The following CSF2RA variants were observed in gnomAD, a reference collection of about 807,000 sequenced individuals.
CSF2RA encodes colony stimulating factor 2 receptor subunit alpha.
A neutral mutation model predicts 51.6 loss-of-function variants in CSF2RA; 42 were observed. That is an observed-to-expected ratio of 0.81 (90% CI 0.64 to 1.05). The LOEUF (loss-of-function observed/expected upper bound fraction) is 1.05, where lower values mean the gene tolerates loss of function less well. Ranked by LOEUF, CSF2RA falls within the 50% of genes least tolerant of loss-of-function variation. The pLI is 0.00. For missense variants in CSF2RA, 530 were observed against 501.1 expected, an observed-to-expected ratio of 1.06 and a Z score of -0.55; for synonymous variants, 222 against 193.0, an observed-to-expected ratio of 1.15 and a Z score of -1.24.
At chrX:1,281,978 G>A (rs747226742) in intron 2 of CSF2RA, 4 of 142,712 alleles carry the variant, frequency 2.8e-5, no homozygotes, top group East Asian at 2.1e-4. Flanking sequence ...GGTGGATCAC[G>A]AGGTCAGGAG....
At chrX:1,313,962 G>A (rs1359168965), downstream of CSF2RA, among the ~76,000 whole-genome samples, 1 of 152,140 alleles carries the variant, frequency 6.6e-6, no homozygotes, top group East Asian at 1.9e-4. Flanking sequence ...TTGCACTCCG[G>A]CCTGGGTGAC....
chrX:1,320,600 C>T, the CSF2RA span, among the ~76,000 whole-genome samples: 4 of 149,524 alleles, frequency 2.7e-5, no homozygotes, highest in Admixed American at 1.3e-4. Flanking sequence ...AGGGTTCAAG[C>T]GATTCCCCTG....
At chrX:1,280,868 CCTCCTTCTCCTG>C (rs2089844430) in intron 2 of CSF2RA, among the ~76,000 whole-genome samples, 2 of 135,388 alleles carry the variant, frequency 1.5e-5, no homozygotes, top group African/African-American at 5.9e-5. Flanking sequence ...TCCTCCTCCT[CCTCCTTCTCCTG>C]CTCCTTCTCC....
chrX:1,313,095 C>T (rs1323955844), downstream of CSF2RA, among the ~76,000 whole-genome samples: 13 of 152,006 alleles, frequency 8.6e-5, no homozygotes, highest in Non-Finnish European at 1.8e-4. Context: ...GACCTCAGGC[C>T]CTATTTACCT....
chrX:1,279,918 T>C (rs1199222127), intron 2 of CSF2RA, among the ~76,000 whole-genome samples: 7 of 151,544 alleles, frequency 4.6e-5, no homozygotes, highest in African/African-American at 1.7e-4. Flanking sequence ...ACCTCCCGAG[T>C]AGCTGGGATT....
At chrX:1,285,544 A>T (rs113668070) in intron 3 of CSF2RA, 19 of 578,076 alleles carry the variant, frequency 3.3e-5, no homozygotes, top group Non-Finnish European at 5.8e-5. Flanking sequence ...AAAATACAAA[A>T]ATTAGCTGGG....
At chrX:1,308,180 C>T (rs1402594536) in intron 12 of CSF2RA, among the ~76,000 whole-genome samples, 11 of 152,118 alleles carry the variant, frequency 7.2e-5, no homozygotes, top group East Asian at 1.9e-4. Flanking sequence ...AAAGCCCCTT[C>T]GTAGCAGCCG....
intron 12 of CSF2RA, among the ~76,000 whole-genome samples, chrX:1,308,697 C>A (rs1247352437): frequency 6.6e-6 from 1 of 152,108 alleles, no homozygotes; most frequent in African/African-American, 2.4e-5. Context: ...TCCACCCCCA[C>A]GCCAGCCTCC....
At chrX:1,315,428 G>C in the CSF2RA span, among the ~76,000 whole-genome samples, 3 of 152,082 alleles carry the variant, frequency 2.0e-5, no homozygotes, top group African/African-American at 7.2e-5. Context: ...TTAAGAGACA[G>C]AGTCTCATTC....
At chrX:1,325,132 G>A in the CSF2RA span, among the ~76,000 whole-genome samples, 5 of 151,216 alleles carry the variant, frequency 3.3e-5, 1 homozygote, top group South Asian at 4.2e-4. Context: ...AGGCCGAGAC[G>A]GGCGGATCAA....
downstream of CSF2RA, among the ~76,000 whole-genome samples, chrX:1,314,876 C>T (rs867760938): frequency 8.9e-3 from 619 of 69,292 alleles, 112 homozygotes; most frequent in Middle Eastern, 0.022. Context: ...AACCGCACTG[C>T]ACCTGCCCAA....
At chrX:1,323,944 G>T in the CSF2RA span, among the ~76,000 whole-genome samples, 1 of 152,010 alleles carries the variant, frequency 6.6e-6, no homozygotes, top group African/African-American at 2.4e-5. Context: ...AACCCGGGAG[G>T]CCGAGGTTGT....
At chrX:1,305,570 G>T (rs1476372300) in intron 12 of CSF2RA, 43 bp downstream of exon 12, 1 of 1,613,996 alleles carries the variant, frequency 6.2e-7, no homozygotes, top group Admixed American at 1.7e-5. Flanking sequence ...ATGGAAGGTG[G>T]GGAGTGGGGA....
chrX:1,309,311 T>C (rs2084005884), intron 12 of CSF2RA, 91 bp from the exon 13 acceptor site: 2 of 1,339,194 alleles, frequency 1.5e-6, no homozygotes, highest in Non-Finnish European at 2.1e-6. Context: ...TGAGACTCCG[T>C]CTCGAGGGAG....
intron 3 of CSF2RA, 77 bp from the exon 4 acceptor site, chrX:1,285,701 C>CCA: frequency 1.1e-6 from 1 of 871,234 alleles, no homozygotes; most frequent in Non-Finnish European, 1.5e-6. Flanking sequence ...GACTCCGTCT[C>CCA]AAAAAAAAAA....
intron 2 of CSF2RA, among the ~76,000 whole-genome samples, chrX:1,278,412 T>C (rs28891778): frequency 0.22 from 32,543 of 148,514 alleles, 4,200 homozygotes; most frequent in East Asian, 0.32. Flanking sequence ...AGAGGCCAGG[T>C]GCAGTGGCTC....
intron 1 of CSF2RA, among the ~76,000 whole-genome samples, chrX:1,271,151 T>G (rs1266617107): frequency 6.6e-6 from 1 of 151,954 alleles, no homozygotes; most frequent in Non-Finnish European, 1.5e-5. Flanking sequence ...ATAGGTGTGC[T>G]AAATCACATT....
intron 9 of CSF2RA, among the ~76,000 whole-genome samples, chrX:1,297,489 G>T (rs1603431247): frequency 5.7e-5 from 1 of 17,474 alleles, no homozygotes; most frequent in Non-Finnish European, 1.1e-4. Flanking sequence ...ACCCCTGGCG[G>T]AACCGTACAG....
At chrX:1,289,002 C>A (rs2091080030) in intron 6 of CSF2RA, 114 bp downstream of exon 6, 3 of 1,446,810 alleles carry the variant, frequency 2.1e-6, no homozygotes, top group African/African-American at 1.4e-5. Context: ...TGCTCTGTTG[C>A]CCAGGCTGCA....
Sources: gnomAD v4.1 joint callset for allele counts (sites outside exome capture counted in the v4.1 genomes callset) on GRCh38, gnomAD v4.1.1 for gene constraint, MANE v1.5 for transcripts, NCBI Gene and HGNC (gene_info 2026-07-23, HGNC 2026-07-21) for gene names.